Variants in AADACL4 observed in about 807,000 individuals in gnomAD.
The protein encoded by AADACL4 is arylacetamide deacetylase like 4.
A neutral mutation model predicts 14.1 loss-of-function variants in AADACL4; 9 were observed. The ratio of observed to expected loss-of-function variants is 0.64; its 90% CI spans 0.39 to 1.12. AADACL4 has a LOEUF of 1.12. AADACL4 is among the 50% of genes most tolerant of loss of function. The probability of loss-of-function intolerance (pLI) is 0.01; values close to 1 mark genes in which losing one functional copy is unlikely to be tolerated. For synonymous variants in AADACL4, 188 were observed against 201.6 expected, an observed-to-expected ratio of 0.93 and a Z score of 0.57; for missense variants, 531 against 516.1, an observed-to-expected ratio of 1.03 and a Z score of -0.28.
Position 12,665,942 on chromosome 1 carries a change from C to T in AADACL4, c.450-19C>T. 6.3e-7 allele frequency: 1 copy of T among 1,589,154 alleles called. No homozygotes were observed. Among genetic ancestry groups the T allele is most frequent in the East Asian group, 2.2e-5 (1 of 44,594 alleles). On this transcript the variant is annotated intron_variant, in intron 3 of 3. Coordinates refer to ENST00000376221, the MANE Select transcript of AADACL4 (RefSeq NM_001013630.2). ...CACTGTCCACACTGGTGTAGTGTTG[C>T]TCCCTGTTTTCGTTTTAGGTACCGC...
At position 12,666,276 on chromosome 1, in the gene AADACL4, C is replaced by T; in HGVS notation, c.765C>T (p.Asn255=). 6.2e-7 allele frequency: 1 copy of T among 1,614,248 alleles called. No homozygotes were observed. The highest frequency in any genetic ancestry group is 8.5e-7 in the Non-Finnish European group (1 of 1,180,048). Residue 255 remains asparagine (N), a synonymous_variant, in exon 4 of 4, where the codon AAC becomes AAT. Transcript: ENST00000376221. ...SRKFMVTSLC[N]YLAIDLSWRD... ...AGTTCATGGTGACTTCTCTGTGTAA[C>T]TATCTGGCCATTGACCTCTCCTGGC...
intron 1 of AADACL4, among the ~76,000 whole-genome samples, chr1:12,649,630 A>G (rs6541048): frequency 0.11 from 16,714 of 152,196 alleles, 1,823 homozygotes; most frequent in African/African-American, 0.28. Context: ...TAGTCCGTGC[A>G]ACCTCAGACA....
In AADACL4 at chr1:12,644,603, C is replaced by G. The variant is rs199712840; in HGVS notation, c.57C>G (p.Val19=). Residue 19 remains valine, a synonymous_variant, in exon 1 of 4, where the codon GTC becomes GTG. Transcript: ENST00000376221. The part of the protein sequence containing the change: ...LLALPIFFLG[V]FVWAVFEHFL... ...CATTGCCCATCTTTTTCCTGGGGGT[C>G]TTTGTCTGGGCTGTCTTTGAGCACT... The G allele has an allele frequency of 1.2e-6, 2 of 1,614,168 alleles. No individual in the cohort carries two copies. The highest frequency in any genetic ancestry group is 1.7e-6 in the Non-Finnish European group (2 of 1,180,018).
At chr1:12,653,263 A>G (rs965636923) in intron 2 of AADACL4, among the ~76,000 whole-genome samples, 1 of 152,260 alleles carries the variant, frequency 6.6e-6, no homozygotes, top group Non-Finnish European at 1.5e-5. Flanking sequence ...TTGGTGTGAA[A>G]GTAATTGCAG....
chr1:12,658,087 T>TTCTTTC (rs1647194186), intron 2 of AADACL4, among the ~76,000 whole-genome samples: 3 of 125,060 alleles, frequency 2.4e-5, no homozygotes, highest in African/African-American at 1.1e-4. Context: ...CTTTCTTTCT[T>TTCTTTC]TCTCTTTCTT....
chr1:12,659,424 G>A (rs2256895), intron 2 of AADACL4, among the ~76,000 whole-genome samples: 139,643 of 152,266 alleles, frequency 0.92, 64,482 homozygotes, highest in Non-Finnish European at 0.96. Flanking sequence ...GAGCCTTCTA[G>A]GTGAGGGCCG....
At position 12,651,137 on chromosome 1, in the gene AADACL4, G is replaced by C; in HGVS notation, c.183G>C (p.Glu61Asp). The C allele has an allele frequency of 6.2e-7, 1 of 1,614,144 alleles. No individual in the cohort carries two copies. Among genetic ancestry groups the C allele is most frequent in the Non-Finnish European group, 8.5e-7 (1 of 1,179,992 alleles). Residue 61 changes from glutamate (E) to aspartate (D), a missense_variant, in exon 2 of 4, where the codon GAG (glutamate) becomes GAC (aspartate). By Grantham distance (45) the Glu-to-Asp change is conservative. Transcript: ENST00000376221. The part of the protein sequence containing the change: ...LYLVTLGNIF[E>D]KLGICSMPKF... Reference sequence around the variant, plus strand: ...ACCTCCAACAGGGGAATATATTTGAGAAGCTGGGAATTTGCTCCATGCCCA... The same window carrying C: ...ACCTCCAACAGGGGAATATATTTGACAAGCTGGGAATTTGCTCCATGCCCA...
chr1:12,661,289 A>G (rs149962069), intron 2 of AADACL4, among the ~76,000 whole-genome samples: 1 of 152,184 alleles, frequency 6.6e-6, no homozygotes, highest in African/African-American at 2.4e-5. Context: ...GAATGACTGC[A>G]TTAGAAGTGT....
At position 12,666,067 on chromosome 1, in the gene AADACL4, A is replaced by G; in HGVS notation, c.556A>G (p.Arg186Gly). The change falls in exon 4 of 4, where the codon AGG (arginine) becomes GGG (glycine). Residue 186 changes from arginine (R) to glycine (G), a missense_variant. Transcript: ENST00000376221. The stretch of plus-strand genomic sequence containing the variant: ...GGAAACCTATGGGGTGGACCCCTCC[A>G]GGGTTGTGGTCTGTGGAGAAAGCGT... Reference protein sequence around the residue: ...ALETYGVDPSRVVVCGESVGG... With the variant: ...ALETYGVDPSGVVVCGESVGG... 6.2e-7 allele frequency: 1 copy of G among 1,614,194 alleles called. No individual in the cohort carries two copies. Among genetic ancestry groups the G allele is most frequent in the Non-Finnish European group, 8.5e-7 (1 of 1,180,022 alleles).
intron 1 of AADACL4, 59 bp downstream of exon 1, chr1:12,644,773 C>T: frequency 6.5e-7 from 1 of 1,539,112 alleles, no homozygotes; most frequent in South Asian, 1.2e-5. Flanking sequence ...TTCTCAGTAC[C>T]TTACCCTCTT....
At position 12,666,484 on chromosome 1, in the gene AADACL4, C is replaced by T. The variant is rs148341177; in HGVS notation, c.973C>T (p.Pro325Ser). 4.2e-5 allele frequency: 68 copies of T among 1,614,166 alleles called. No homozygotes were observed. The highest frequency in any genetic ancestry group is 6.7e-5 in the Admixed American group (4 of 60,016). ...ACATATGCTGGATGTAGAAAATTCA[C>T]CCCTGATAGCAGATGATGAGGTCAT... The part of the protein sequence containing the change: ...AKHMLDVENS[P>S]LIADDEVIAQ... The change falls in exon 4 of 4, where the codon CCC becomes TCC. Residue 325 changes from proline to serine, a missense_variant. Coordinates refer to ENST00000376221, the MANE Select transcript of AADACL4 (RefSeq NM_001013630.2).
At chr1:12,652,784 T>A (rs1349537701) in intron 2 of AADACL4, among the ~76,000 whole-genome samples, 1 of 152,194 alleles carries the variant, frequency 6.6e-6, no homozygotes, top group Non-Finnish European at 1.5e-5. Flanking sequence ...GGTGTGTGTT[T>A]AACATGTTAA....
chr1:12,649,579 T>C (rs1647132558), intron 1 of AADACL4, among the ~76,000 whole-genome samples: 1 of 152,142 alleles, frequency 6.6e-6, no homozygotes, highest in African/African-American at 2.4e-5. Context: ...TTGTTTGGAG[T>C]TCCTTTAGGA....
chr1:12,655,799 G>T (rs1450341538), intron 2 of AADACL4, among the ~76,000 whole-genome samples: 2 of 152,000 alleles, frequency 1.3e-5, no homozygotes, highest in African/African-American at 4.8e-5. Flanking sequence ...TGATTAACAG[G>T]CATTTGGAGT....
intron 2 of AADACL4, among the ~76,000 whole-genome samples, chr1:12,655,331 AT>A (rs1647174922): frequency 6.6e-6 from 1 of 152,236 alleles, no homozygotes; most frequent in South Asian, 2.1e-4. Context: ...TTTACCAGCC[AT>A]GTCAAGAGTC....
chr1:12,646,842 A>T (rs1049592328), intron 1 of AADACL4, among the ~76,000 whole-genome samples: 3 of 152,164 alleles, frequency 2.0e-5, no homozygotes, highest in Admixed American at 6.5e-5. Flanking sequence ...CACACTGCCC[A>T]TCATGGGGTG....
rs1358859828 is a variant in AADACL4, at chr1:12,644,511, C to T, written c.-36C>T. 1 of 1,605,338 alleles carries T rather than the reference C, an allele frequency of 6.2e-7. No individual in the cohort carries two copies. Among genetic ancestry groups the T allele is most frequent in the Non-Finnish European group, 8.5e-7 (1 of 1,176,060 alleles). On this transcript the variant is annotated 5_prime_UTR_variant, in exon 1 of 4. Coordinates refer to ENST00000376221, the MANE Select transcript of AADACL4 (RefSeq NM_001013630.2). Reference sequence around the variant, plus strand: ...CTCTTCACATAAGCTATCAGACAAGCTCCTCAGGGCAGCAGCTCCTCAAGG... The same window carrying T: ...CTCTTCACATAAGCTATCAGACAAGTTCCTCAGGGCAGCAGCTCCTCAAGG...
At chr1:12,654,539 C>G (rs1009300181) in intron 2 of AADACL4, among the ~76,000 whole-genome samples, 1 of 152,108 alleles carries the variant, frequency 6.6e-6, no homozygotes, top group South Asian at 2.1e-4. Context: ...CAAGCATTGC[C>G]GATAAGGAGG....
In AADACL4 at chr1:12,653,997, C is replaced by T. The variant is rs183053769; in HGVS notation, c.385+2658C>T. On this transcript the variant is annotated intron_variant, in intron 2 of 3. Transcript: ENST00000376221. ...CCAAGGGATTTACAAACATGTGAGT[C>T]CTATCCCCAAAGCCTGGAGGCAGTA... is the stretch of plus-strand genomic sequence containing the variant. 2.5e-3 allele frequency among the ~76,000 whole-genome samples: 382 copies of T among 152,282 alleles called. 2 individuals are homozygous for T. The highest frequency in any genetic ancestry group is 5.6e-3 in the Admixed American group (86 of 15,292).
Sources: gnomAD v4.1 joint callset for allele counts (sites outside exome capture counted in the v4.1 genomes callset) on GRCh38, gnomAD v4.1.1 for gene constraint, MANE v1.5 for transcripts, NCBI Gene and HGNC (gene_info 2026-07-23, HGNC 2026-07-21) for gene names.